Variants in LNX1 observed in about 807,000 individuals in gnomAD.
The protein encoded by LNX1 is ligand of numb-protein X 1.
LNX1 carries 54 observed loss-of-function variants against 68.4 expected under a neutral mutation model. The ratio of observed to expected loss-of-function variants is 0.79; its 90% CI spans 0.63 to 0.99. The LOEUF is 0.99. Ranked by LOEUF, LNX1 falls within the 50% of genes least tolerant of loss-of-function variation. The probability of loss-of-function intolerance (pLI) is 0.00; values close to 1 mark genes in which losing one functional copy is unlikely to be tolerated. For synonymous variants in LNX1, 336 were observed against 350.0 expected, an observed-to-expected ratio of 0.96 and a Z score of 0.45; for missense variants, 906 against 926.4, an observed-to-expected ratio of 0.98 and a Z score of 0.29.
intron 2 of LNX1, among the ~76,000 whole-genome samples, chr4:53,538,852 A>G (rs973363457): frequency 6.6e-6 from 1 of 152,190 alleles, no homozygotes; most frequent in African/African-American, 2.4e-5. Context: ...GAAAAAAAAT[A>G]AAAGGTAACT....
chr4:53,476,315 A>G (rs991324899), intron 9 of LNX1, among the ~76,000 whole-genome samples: 4 of 152,118 alleles, frequency 2.6e-5, no homozygotes, highest in African/African-American at 9.7e-5. Context: ...AATAAAATAA[A>G]GCCACAGAAG....
intron 4 of LNX1, among the ~76,000 whole-genome samples, chr4:53,503,153 C>A (rs1725628271): frequency 6.6e-6 from 1 of 152,098 alleles, no homozygotes; most frequent in Non-Finnish European, 1.5e-5. Context: ...GTCTTGAACC[C>A]CTCAAAGTCA....
chr4:53,515,749 C>G lies in LNX1; in HGVS notation c.381-7522G>C, dbSNP rs28475085. On this transcript the variant is annotated intron_variant, in intron 2 of 10. Coordinates refer to ENST00000263925, the MANE Select transcript of LNX1 (RefSeq NM_001126328.3). ...CAATAAACACTCATGGGAGGGTCTT[C>G]TAAGAAAGATGGCACAGCACGGAGG... Among the ~76,000 whole-genome samples the G allele has an allele frequency of 8.3e-3, 1,256 of 152,174 alleles. 18 individuals are homozygous for G. Among genetic ancestry groups the G allele is most frequent in the African/African-American group, 0.029 (1,184 of 41,498 alleles).
chr4:53,510,980 T>C (rs1726291476), intron 2 of LNX1, among the ~76,000 whole-genome samples: 1 of 152,164 alleles, frequency 6.6e-6, no homozygotes, highest in South Asian at 2.1e-4. Flanking sequence ...TAAGAAACCA[T>C]TGCACTTTCA....
intron 1 of LNX1, among the ~76,000 whole-genome samples, chr4:53,638,504 T>C (rs1468261549): frequency 6.6e-6 from 1 of 152,226 alleles, no homozygotes; most frequent in Admixed American, 6.5e-5. Context: ...TGTTCCCAGC[T>C]GAGGTCCAAC....
chr4:53,568,909 A>C (rs1280980213), intron 2 of LNX1, among the ~76,000 whole-genome samples: 1 of 152,222 alleles, frequency 6.6e-6, no homozygotes, highest in Non-Finnish European at 1.5e-5. Context: ...ACTCCCATTC[A>C]CAATTGCTTC....
At chr4:53,539,092 G>C (rs1195823180) in intron 2 of LNX1, 1 of 152,130 alleles carries the variant, frequency 6.6e-6, no homozygotes, top group African/African-American at 2.4e-5. Context: ...TTTTCCTTTA[G>C]GTTAAATTTC....
At chr4:53,466,695 G>A (rs184981283) in intron 9 of LNX1, among the ~76,000 whole-genome samples, 23 of 152,350 alleles carry the variant, frequency 1.5e-4, no homozygotes, top group East Asian at 1.9e-4. Context: ...ATTATATCCC[G>A]CACCTGGCTC....
chr4:53,476,603 G>A lies in LNX1; in HGVS notation c.1892+150C>T, dbSNP rs543404776. On this transcript the variant is annotated intron_variant, in intron 9 of 10. Coordinates refer to ENST00000263925, the MANE Select transcript of LNX1 (RefSeq NM_001126328.3). ...CGCATGCATTTTCAGTTACAAATGG[G>A]AAGAGAGAATTATTTCACAGTCCCA... is the stretch of plus-strand genomic sequence containing the variant. The A allele has an allele frequency of 6.1e-4, 441 of 728,196 alleles. 1 individual carries two copies. The highest frequency in any genetic ancestry group is 5.3e-4 in the Non-Finnish European group (223 of 417,516). 45.1% of individuals were successfully genotyped at this position (728,196 alleles called of 1,614,324 possible).
chr4:53,555,187 A>T (rs1729819214), intron 2 of LNX1, among the ~76,000 whole-genome samples: 1 of 152,142 alleles, frequency 6.6e-6, no homozygotes, highest in African/African-American at 2.4e-5. Context: ...CATCTCGGAC[A>T]TGCAGGCATC....
chr4:53,630,290 A>G (rs557549062), intron 1 of LNX1, among the ~76,000 whole-genome samples: 1 of 152,254 alleles, frequency 6.6e-6, no homozygotes, highest in East Asian at 1.9e-4. Context: ...GAATTTAGCT[A>G]CTTGCTAAAA....
Position 53,648,294 on chromosome 4 carries a change from G to A in LNX1, c.-215+3874C>T, listed in dbSNP as rs367928776. 5.3e-5 allele frequency among the ~76,000 whole-genome samples: 8 copies of A among 152,288 alleles called. No individual in the cohort carries two copies. The East Asian group carries it at 1.2e-3, about 22-fold the overall frequency. ...TTTTGGAATTTTTTTTAACTTGATA[G>A]TAGCCATGCTAATGGGTGGGAGGTG... On this transcript the variant is annotated intron_variant, in intron 1 of 2. Coordinates refer to the LNX1 transcript ENST00000507168.
At chr4:53,646,284 A>C (rs1193533491) in intron 1 of LNX1, among the ~76,000 whole-genome samples, 1 of 152,158 alleles carries the variant, frequency 6.6e-6, no homozygotes, top group Non-Finnish European at 1.5e-5. Context: ...GGAGTGGAGT[A>C]ATAGGGCATG....
In LNX1 at chr4:53,520,745, T is replaced by C. The variant is rs1214988484; in HGVS notation, c.381-12518A>G. Among the ~76,000 whole-genome samples the C allele has an allele frequency of 3.3e-5, 5 of 152,162 alleles. No individual in the cohort carries two copies. In the East Asian group the frequency reaches 5.8e-4, roughly 18 times the overall value. On this transcript the variant is annotated intron_variant, in intron 2 of 10. Transcript: ENST00000263925. ...GGGAGGCTAAGGTGGGTGGATCACTTGAAGTCAGGAGTGGGAGACCAGCCT... is the reference window on the plus strand; with the variant it reads ...GGGAGGCTAAGGTGGGTGGATCACTCGAAGTCAGGAGTGGGAGACCAGCCT...
At chr4:53,521,715 C>A (rs775664006) in intron 2 of LNX1, among the ~76,000 whole-genome samples, 1 of 152,156 alleles carries the variant, frequency 6.6e-6, no homozygotes, top group Non-Finnish European at 1.5e-5. Context: ...GGAGGGGATG[C>A]TTTTCCTGTT....
intron 2 of LNX1, among the ~76,000 whole-genome samples, chr4:53,599,800 A>G (rs545864218): frequency 1.3e-5 from 2 of 152,268 alleles, no homozygotes; most frequent in Admixed American, 1.3e-4. Flanking sequence ...GAGAAAACCT[A>G]TACCTCTTAT....
At chr4:53,600,728 A>G (rs1219571283) in intron 2 of LNX1, among the ~76,000 whole-genome samples, 1 of 150,940 alleles carries the variant, frequency 6.6e-6, no homozygotes, top group African/African-American at 2.4e-5. Context: ...TTTTATTTTT[A>G]TTTTTATTTT....
chr4:53,514,124 C>T (rs190565943), intron 2 of LNX1, among the ~76,000 whole-genome samples: 25 of 152,294 alleles, frequency 1.6e-4, no homozygotes, highest in African/African-American at 2.9e-4. Flanking sequence ...ATTTAAACAG[C>T]GGCTTCTTTT....
At chr4:53,501,298 TTG>T (rs1725463786) in intron 4 of LNX1, among the ~76,000 whole-genome samples, 1 of 9,500 alleles carries the variant, frequency 1.1e-4, no homozygotes, top group Non-Finnish European at 3.1e-4. Flanking sequence ...TTTTTTTTTT[TTG>T]GGGGTGGGGG....
Sources: allele counts gnomAD v4.1 joint callset (sites outside exome capture counted in the v4.1 genomes callset), GRCh38; gene constraint gnomAD v4.1.1; transcripts MANE v1.5; gene names NCBI Gene and HGNC (gene_info 2026-07-23, HGNC 2026-07-21).